Variants in CLN8 observed in about 807,000 individuals in gnomAD.
The protein encoded by CLN8 is CLN8 transmembrane ER and ERGIC protein.
CLN8 carries 14 observed loss-of-function variants against 15.7 expected under a neutral mutation model. The observed-to-expected ratio is 0.89, with a 90% confidence interval of 0.59 to 1.39. The LOEUF is 1.39. Ranked by LOEUF, CLN8 falls within the 40% of genes most tolerant of loss-of-function variation. The pLI is 0.00. For missense variants in CLN8, 415 were observed against 364.0 expected (o/e 1.14, Z -1.14); for synonymous variants, 188 against 151.0 (o/e 1.25, Z -1.80).
At chr8:1,769,682 C>T (rs1801221689) in intron 1 of CLN8, among the ~76,000 whole-genome samples, 1 of 152,206 alleles carries the variant, frequency 6.6e-6, no homozygotes, top group Non-Finnish European at 1.5e-5. Context: ...TCACACGTCC[C>T]TTCCAGTTTT....
upstream of CLN8, among the ~76,000 whole-genome samples, chr8:1,753,756 G>A (rs940764835): frequency 6.6e-5 from 10 of 150,760 alleles, no homozygotes; most frequent in African/African-American, 2.4e-4. Context: ...TGTGGTTGTG[G>A]GTGCCTGTAA....
chr8:1,754,626 G>T (rs964766497), upstream of CLN8, among the ~76,000 whole-genome samples: 31 of 152,182 alleles, frequency 2.0e-4, 1 homozygote, highest in Admixed American at 6.5e-5. Flanking sequence ...AGCATCTAAA[G>T]CTGCTGTCGA....
At chr8:1,755,520 GCTGGCTTGTGTTACATGTTCT>G (rs2130942800), upstream of CLN8, among the ~76,000 whole-genome samples, 1 of 152,284 alleles carries the variant, frequency 6.6e-6, no homozygotes, top group African/African-American at 2.4e-5. Context: ...TTCAGAGACA[GCTGGCTTGTGTTACATGTTCT>G]CTGAACACCG....
At chr8:1,765,289 G>C (rs896236558) in intron 1 of CLN8, 1 of 152,242 alleles carries the variant, frequency 6.6e-6, no homozygotes, top group Non-Finnish European at 1.5e-5. Context: ...TGAGAGAAGA[G>C]AAGCAGGCCG....
rs894393888 is a variant in CLN8, at chr8:1,783,131, T to C, written c.*2564T>C. On this transcript the variant is annotated 3_prime_UTR_variant, in exon 3 of 3. Coordinates refer to ENST00000331222, the MANE Select transcript of CLN8 (RefSeq NM_018941.4). Reference sequence around the variant, plus strand: ...TGGCCTCAGTCTCCCTGACCGGCAGTGTGAGGGGATGTAGCTATAGTGGAG... The same window carrying C: ...TGGCCTCAGTCTCCCTGACCGGCAGCGTGAGGGGATGTAGCTATAGTGGAG... 1 of 152,174 alleles carries C rather than the reference T, an allele frequency of 6.6e-6. No individual in the cohort carries two copies. The highest frequency in any genetic ancestry group is 1.5e-5 in the Non-Finnish European group (1 of 68,042). The allele number at this position is 152,174 out of a possible 1,614,324, so 9.4% of individuals were successfully genotyped here.
In CLN8 at chr8:1,786,430, T is replaced by C. The variant is rs1801832575; in HGVS notation, c.*5863T>C. 6.6e-6 allele frequency: 1 copy of C among 152,268 alleles called. No homozygotes were observed. The highest frequency in any genetic ancestry group is 1.5e-5 in the Non-Finnish European group (1 of 68,044). 9.4% of individuals were successfully genotyped at this position (152,268 alleles called of 1,614,324 possible). ...TTCTTCTAATGCGAGAGCTTATTAA[T>C]TCCATATTTATCATTTTGAATAACT... On this transcript the variant is annotated 3_prime_UTR_variant, in exon 3 of 3. Transcript: ENST00000331222.
Position 1,771,129 on chromosome 8 carries a change from C to T in CLN8, c.75C>T (p.Ser25=), listed in dbSNP as rs1276904511. The T allele has an allele frequency of 3.1e-6, 5 of 1,613,934 alleles. No individual in the cohort carries two copies. Among genetic ancestry groups the T allele is most frequent in the Non-Finnish European group, 3.4e-6 (4 of 1,180,032 alleles). Residue 25 remains serine (S), a synonymous_variant, in exon 2 of 3, where the codon TCC becomes TCT. Coordinates refer to ENST00000331222, the MANE Select transcript of CLN8 (RefSeq NM_018941.4). ...ACTATGCATCCTGGGGGATCCGCTC[C>T]ACGCTGATGGTCGCTGGCTTTGTCT... ...DLDYASWGIR[S]TLMVAGFVFY...
rs923737819 is a variant in CLN8, at chr8:1,784,644, A to T, written c.*4077A>T. 6.6e-5 allele frequency: 10 copies of T among 152,402 alleles called. No homozygotes were observed. Among genetic ancestry groups the T allele is most frequent in the East Asian group, 3.9e-4 (2 of 5,180 alleles). 9.4% of individuals were successfully genotyped at this position (152,402 alleles called of 1,614,324 possible). ...TTGCATCTGTTTTATTCTCTGATTG[A>T]TTCTAAGCCCCATGTCCCTGGCACA... On this transcript the variant is annotated 3_prime_UTR_variant, in exon 3 of 3. Transcript: ENST00000331222.
intron 1 of CLN8, among the ~76,000 whole-genome samples, chr8:1,769,302 T>G (rs1801206145): frequency 6.6e-6 from 1 of 152,182 alleles, no homozygotes; most frequent in Admixed American, 6.6e-5. Flanking sequence ...GTCCTTGGGG[T>G]GTGGTCACAG....
chr8:1,755,300 T>C (rs994407535), upstream of CLN8, among the ~76,000 whole-genome samples: 1 of 152,262 alleles, frequency 6.6e-6, no homozygotes, highest in South Asian at 2.1e-4. Context: ...TTTCCTTTAC[T>C]CTGGGTCCAA....
rs146692624 is a variant in CLN8, at chr8:1,772,955, A to G, written c.543+1358A>G. ...GGTAGCCTCGAGAGGAAAAATAAGC[A>G]TAACAAATCACTCCTGCCTTCGGGG... On this transcript the variant is annotated intron_variant, in intron 2 of 2. Transcript: ENST00000331222. The G allele has an allele frequency of 4.6e-4, 183 of 398,654 alleles. 1 individual carries two copies. The highest frequency in any genetic ancestry group is 2.9e-3 in the South Asian group (23 of 7,860). 24.7% of individuals were successfully genotyped at this position (398,654 alleles called of 1,614,324 possible).
At chr8:1,755,568 A>C (rs112030048), upstream of CLN8, among the ~76,000 whole-genome samples, 1 of 152,150 alleles carries the variant, frequency 6.6e-6, no homozygotes, top group East Asian at 1.9e-4. Flanking sequence ...AGGTCCTGAC[A>C]TATCAGCTGC....
intron 2 of CLN8, among the ~76,000 whole-genome samples, chr8:1,777,442 T>C (rs902817913): frequency 2.0e-5 from 3 of 152,104 alleles, no homozygotes; most frequent in African/African-American, 7.2e-5. Context: ...TATAAAAAAA[T>C]TTCTTTAATC....
chr8:1,761,012 C>CTTTTTTTTT (rs61327257), upstream of CLN8, among the ~76,000 whole-genome samples: 4 of 67,610 alleles, frequency 5.9e-5, no homozygotes, highest in African/African-American at 1.9e-4. Context: ...CTATAGCCAT[C>CTTTTTTTTT]TTTTTTTTTT....
chr8:1,754,656 A>G (rs1428830321), upstream of CLN8, among the ~76,000 whole-genome samples: 1 of 152,190 alleles, frequency 6.6e-6, no homozygotes, highest in Non-Finnish European at 1.5e-5. Flanking sequence ...TTTCATCCTC[A>G]GACAACTACT....
chr8:1,776,069 C>T (rs143795200), intron 2 of CLN8, among the ~76,000 whole-genome samples: 40 of 151,514 alleles, frequency 2.6e-4, no homozygotes, highest in Non-Finnish European at 5.0e-4. Context: ...GAGGGGCACA[C>T]GTGGGTGGTG....
intron 1 of CLN8, among the ~76,000 whole-genome samples, chr8:1,765,561 AT>A (rs1801017832): frequency 6.6e-6 from 1 of 152,206 alleles, no homozygotes. Flanking sequence ...TATAATTCTC[AT>A]GTAAATAGCT....
upstream of CLN8, among the ~76,000 whole-genome samples, chr8:1,760,853 C>T (rs1049406640): frequency 3.9e-5 from 6 of 152,026 alleles, no homozygotes; most frequent in Non-Finnish European, 7.4e-5. Context: ...AAGAATGTGC[C>T]ATCTTTGTTT....
At chr8:1,778,423 G>T (rs932798020) in intron 2 of CLN8, among the ~76,000 whole-genome samples, 4 of 152,176 alleles carry the variant, frequency 2.6e-5, no homozygotes, top group Non-Finnish European at 5.9e-5. Flanking sequence ...TGGTCTGTGG[G>T]TTTCTCCCCT....
Sources: allele counts gnomAD v4.1 joint callset (sites outside exome capture counted in the v4.1 genomes callset), GRCh38; gene constraint gnomAD v4.1.1; transcripts MANE v1.5; gene names NCBI Gene and HGNC (gene_info 2026-07-23, HGNC 2026-07-21).